ZNG1A: variants seen among roughly 807,000 people sequenced by gnomAD.
The protein encoded by ZNG1A is zinc-regulated GTPase metalloprotein activator 1A.
the ZNG1A span, among the ~76,000 whole-genome samples, chr9:140,013 C>T: frequency 1.8e-4 from 27 of 150,474 alleles, 1 homozygote; most frequent in African/African-American, 6.4e-4. Flanking sequence ...GAGGGTCCCA[C>T]GCCCACAGAG....
the ZNG1A span, chr9:146,140 T>C: frequency 1.9e-6 from 3 of 1,566,620 alleles, no homozygotes; most frequent in East Asian, 2.2e-5. Flanking sequence ...GAAGATCTAA[T>C]ACATTAGAGA....
At chr9:122,318 C>T in the ZNG1A span, 54 of 1,406,710 alleles carry the variant, frequency 3.8e-5, no homozygotes, top group Non-Finnish European at 4.9e-5. Flanking sequence ...TTGAACAATC[C>T]CCTTTTCTAA....
At chr9:154,320 AG>A in the ZNG1A span, 5 of 316,674 alleles carry the variant, frequency 1.6e-5, no homozygotes, top group Non-Finnish European at 2.9e-5. Flanking sequence ...GAAAGAACTC[AG>A]GGATTGGCAG....
chr9:175,887 T>C, the ZNG1A span: 1 of 1,406,438 alleles, frequency 7.1e-7, no homozygotes, highest in African/African-American at 1.5e-5. Flanking sequence ...CGTGCTATTT[T>C]TCATATATTA....
chr9:127,706 A>T, the ZNG1A span, among the ~76,000 whole-genome samples: 170 of 150,750 alleles, frequency 1.1e-3, no homozygotes, highest in African/African-American at 3.9e-3. Flanking sequence ...GTGAGGTACC[A>T]CTCTATTCAT....
At chr9:169,854 C>CTTTTTTTTTT in the ZNG1A span, among the ~76,000 whole-genome samples, 62 of 53,972 alleles carry the variant, frequency 1.1e-3, no homozygotes, top group Middle Eastern at 0.024. Flanking sequence ...ATAAACACAG[C>CTTTTTTTTTT]TTTTTTTTTT....
At chr9:140,041 A>G in the ZNG1A span, among the ~76,000 whole-genome samples, 20 of 150,520 alleles carry the variant, frequency 1.3e-4, 1 homozygote. Context: ...GATTGCTAGC[A>G]CAGCAGTCTG....
the ZNG1A span, among the ~76,000 whole-genome samples, chr9:124,139 TTTC>T: frequency 1.4e-4 from 22 of 152,136 alleles, no homozygotes; most frequent in African/African-American, 5.1e-4. Flanking sequence ...AGGATTTATT[TTTC>T]TTCTTTATCT....
the ZNG1A span, chr9:166,732 C>T: frequency 6.6e-6 from 1 of 152,268 alleles, no homozygotes; most frequent in East Asian, 1.9e-4. Flanking sequence ...AACACAATGA[C>T]TTAACCAATT....
At chr9:158,586 G>A in the ZNG1A span, among the ~76,000 whole-genome samples, 1 of 150,594 alleles carries the variant, frequency 6.6e-6, no homozygotes, top group Non-Finnish European at 1.5e-5. Flanking sequence ...AGTTTCACAA[G>A]GTAATGTGCA....
At chr9:133,892 C>G in the ZNG1A span, among the ~76,000 whole-genome samples, 1 of 150,284 alleles carries the variant, frequency 6.7e-6, no homozygotes, top group Non-Finnish European at 1.5e-5. Flanking sequence ...GCATCGTAAC[C>G]GCCACAATAG....
At chr9:144,383 A>G in the ZNG1A span, among the ~76,000 whole-genome samples, 1 of 149,374 alleles carries the variant, frequency 6.7e-6, no homozygotes, top group African/African-American at 2.5e-5. Flanking sequence ...GCCCTCAGAA[A>G]TAACGCCGCA....
At chr9:177,632 G>A in the ZNG1A span, 17 of 1,496,378 alleles carry the variant, frequency 1.1e-5, no homozygotes, top group East Asian at 3.7e-4. Context: ...GGATAGGAGT[G>A]AAACTATCCC....
At chr9:165,342 A>G in the ZNG1A span, among the ~76,000 whole-genome samples, 1 of 150,634 alleles carries the variant, frequency 6.6e-6, no homozygotes, top group East Asian at 1.9e-4. Flanking sequence ...ATTCCAATAA[A>G]TAGTTTACAA....
chr9:136,035 T>C, the ZNG1A span, among the ~76,000 whole-genome samples: 1 of 73,166 alleles, frequency 1.4e-5, no homozygotes, highest in Non-Finnish European at 3.0e-5. Flanking sequence ...AAAAATCATA[T>C]GCTTTTCCCA....
At chr9:165,500 G>A in the ZNG1A span, among the ~76,000 whole-genome samples, 1 of 133,756 alleles carries the variant, frequency 7.5e-6, no homozygotes, top group African/African-American at 3.3e-5. Context: ...TTTAGGGGGA[G>A]TAAAGATGAA....
At chr9:172,306 A>G in the ZNG1A span, 1 of 1,088,690 alleles carries the variant, frequency 9.2e-7, no homozygotes, top group East Asian at 2.5e-5. Flanking sequence ...ACTCACTTCT[A>G]ACCTTCTAAC....
the ZNG1A span, among the ~76,000 whole-genome samples, chr9:171,380 C>G: frequency 2.6e-5 from 4 of 151,878 alleles, no homozygotes; most frequent in African/African-American, 9.7e-5. Flanking sequence ...AGAATAAGCA[C>G]TAACTTTTAT....
the ZNG1A span, chr9:154,333 G>A: frequency 5.7e-6 from 2 of 349,278 alleles, no homozygotes. Flanking sequence ...GATTGGCAGA[G>A]TGAGAATACA....
Sources: gnomAD v4.1 joint callset for allele counts (sites outside exome capture counted in the v4.1 genomes callset) on GRCh38, gnomAD v4.1.1 for gene constraint, MANE v1.5 for transcripts, NCBI Gene and HGNC (gene_info 2026-07-23, HGNC 2026-07-21) for gene names.